The following VWC2 variants were observed in gnomAD, a reference collection of about 807,000 sequenced individuals.
VWC2 encodes the protein brorin.
In VWC2, 14 loss-of-function variants were observed where a neutral mutation model predicts 29.8. That is an observed-to-expected ratio of 0.47 (90% CI 0.31 to 0.74). The LOEUF is 0.74. Ranked by LOEUF, VWC2 falls within the 30% of genes least tolerant of loss-of-function variation. VWC2 has a pLI of 0.05. For synonymous variants in VWC2, 213 were observed against 199.0 expected, an observed-to-expected ratio of 1.07 and a Z score of -0.59; for missense variants, 457 against 459.8, an observed-to-expected ratio of 0.99 and a Z score of 0.05.
intron 3 of VWC2, among the ~76,000 whole-genome samples, chr7:49,898,901 C>A (rs981530108): frequency 6.6e-6 from 1 of 151,592 alleles, no homozygotes; most frequent in Admixed American, 6.6e-5. Context: ...TAAATTAAAG[C>A]CACAAAAAGC....
intron 3 of VWC2, among the ~76,000 whole-genome samples, chr7:49,895,241 C>T (rs569001341): frequency 2.3e-4 from 35 of 152,154 alleles, no homozygotes; most frequent in Admixed American, 1.3e-3. Context: ...AGTTCCCTCA[C>T]ATTTGTTTCC....
At chr7:49,861,293 G>A (rs1790641896) in intron 3 of VWC2, among the ~76,000 whole-genome samples, 1 of 152,050 alleles carries the variant, frequency 6.6e-6, no homozygotes, top group East Asian at 1.9e-4. Flanking sequence ...GTGCTTATTG[G>A]CCATTATTTT....
intron 3 of VWC2, among the ~76,000 whole-genome samples, chr7:49,887,711 A>T (rs565250839): frequency 1.0e-4 from 15 of 149,646 alleles, no homozygotes; most frequent in Non-Finnish European, 2.1e-4. Context: ...GCCCAGCTCA[A>T]ATGCAAGTGT....
intron 3 of VWC2, among the ~76,000 whole-genome samples, chr7:49,885,959 G>A (rs1458769518): frequency 6.6e-6 from 1 of 152,248 alleles, no homozygotes. Context: ...TCCCTGCAAG[G>A]GGAAGTTTGG....
intron 3 of VWC2, among the ~76,000 whole-genome samples, chr7:49,839,952 T>G (rs557414113): frequency 6.6e-6 from 1 of 152,246 alleles, no homozygotes; most frequent in Non-Finnish European, 1.5e-5. Flanking sequence ...AGATCATGTT[T>G]TCCTAAAGTC....
At chr7:49,838,375 C>G (rs1229422915) in intron 3 of VWC2, among the ~76,000 whole-genome samples, 1 of 151,968 alleles carries the variant, frequency 6.6e-6, no homozygotes, top group Non-Finnish European at 1.5e-5. Context: ...TTTTTCATTT[C>G]CTTAGGAATA....
rs569504060 is a variant in VWC2 at position 49,890,532 on chromosome 7, G to C, written c.827-21502G>C. ...TCATAACACCTTATCAATTTCTGCA[G>C]GCTAACTTCTCATTTTATAGGGATA... On this transcript the variant is annotated intron_variant, in intron 3 of 3. Coordinates refer to ENST00000340652, the MANE Select transcript of VWC2 (RefSeq NM_198570.5). 2.6e-5 allele frequency among the ~76,000 whole-genome samples: 4 copies of C among 152,228 alleles called. No homozygotes were observed. The South Asian group carries it at 6.2e-4, about 24-fold the overall frequency.
chr7:49,828,922 G>A (rs1235205448), intron 3 of VWC2, among the ~76,000 whole-genome samples: 2 of 152,156 alleles, frequency 1.3e-5, no homozygotes, highest in Non-Finnish European at 2.9e-5. Flanking sequence ...ACAGCCCACT[G>A]AAATGATTCA....
chr7:49,886,302 C>T (rs1338543805), intron 3 of VWC2, among the ~76,000 whole-genome samples: 1 of 151,856 alleles, frequency 6.6e-6, no homozygotes, highest in Non-Finnish European at 1.5e-5. Context: ...AGAGTACATT[C>T]CTATTTGGAA....
In VWC2 at chr7:49,912,445, T is replaced by C. The variant is rs1317373395; in HGVS notation, c.*260T>C. 3 of 327,952 alleles carry C rather than the reference T, an allele frequency of 9.1e-6. No homozygotes were observed. Among genetic ancestry groups the C allele is most frequent in the East Asian group, 1.1e-4 (2 of 17,630 alleles). 20.3% of individuals were successfully genotyped at this position (327,952 alleles called of 1,614,324 possible). A position where few individuals can be genotyped will look rare whatever the true frequency, so the allele number is the denominator to read the frequency against. On this transcript the variant is annotated 3_prime_UTR_variant, in exon 4 of 4. Coordinates refer to ENST00000340652, the MANE Select transcript of VWC2 (RefSeq NM_198570.5). Reference sequence around the variant, plus strand: ...TCACAGTAAGTACACAAAAGTACACTATTATATATCAAATGTATTTCTATA... The same window carrying C: ...TCACAGTAAGTACACAAAAGTACACCATTATATATCAAATGTATTTCTATA...
intron 3 of VWC2, among the ~76,000 whole-genome samples, chr7:49,868,085 C>T (rs1355014947): frequency 1.3e-5 from 2 of 152,232 alleles, no homozygotes; most frequent in Admixed American, 6.5e-5. Flanking sequence ...CCACCCACCT[C>T]GGCCTCCCAA....
chr7:49,882,095 G>T (rs1012712754), intron 3 of VWC2, among the ~76,000 whole-genome samples: 1 of 152,068 alleles, frequency 6.6e-6, no homozygotes, highest in East Asian at 1.9e-4. Flanking sequence ...AACAAAAAAT[G>T]ATGTATAAAC....
At chr7:49,797,168 T>A (rs778370148) in intron 2 of VWC2, among the ~76,000 whole-genome samples, 1 of 152,258 alleles carries the variant, frequency 6.6e-6, no homozygotes, top group Non-Finnish European at 1.5e-5. Context: ...CTGCTATGCA[T>A]GTAGTTATGA....
intron 2 of VWC2, among the ~76,000 whole-genome samples, chr7:49,787,045 C>T (rs750445426): frequency 1.6e-4 from 25 of 152,122 alleles, no homozygotes; most frequent in Non-Finnish European, 2.6e-4. Context: ...AGTAGGTGAA[C>T]ACTTCAGAGG....
chr7:49,806,105 C>CA lies in VWC2; in HGVS notation c.826+3266dup, dbSNP rs1265072366. On this transcript the variant is annotated intron_variant, in intron 3 of 3. Coordinates refer to ENST00000340652, the MANE Select transcript of VWC2 (RefSeq NM_198570.5). ...TATTTGTTTTTAAATTCCACCCCCCCACAATGATACAAACAGTGAGTGTTA... is the reference window on the plus strand; with the variant it reads ...TATTTGTTTTTAAATTCCACCCCCCCAACAATGATACAAACAGTGAGTGTTA... Among the ~76,000 whole-genome samples the CA allele has an allele frequency of 3.3e-5, 5 of 151,496 alleles. No individual in the cohort carries two copies. In the South Asian group the frequency reaches 6.3e-4, roughly 19 times the overall value.
chr7:49,887,457 G>A (rs1035029290), intron 3 of VWC2, among the ~76,000 whole-genome samples: 1 of 152,140 alleles, frequency 6.6e-6, no homozygotes, highest in African/African-American at 2.4e-5. Flanking sequence ...ATTTATTAGT[G>A]TATGTGCTTG....
chr7:49,802,676 C>T (rs1008517138), intron 2 of VWC2, 35 bp from the exon 3 acceptor site: 20 of 1,612,940 alleles, frequency 1.2e-5, no homozygotes, highest in Middle Eastern at 1.6e-4. Flanking sequence ...AACATGACAG[C>T]AGGCTAAAGT....
chr7:49,876,547 T>C (rs1414074213), intron 3 of VWC2, among the ~76,000 whole-genome samples: 1 of 152,234 alleles, frequency 6.6e-6, no homozygotes, highest in East Asian at 1.9e-4. Context: ...ACATGATTCA[T>C]ATTTAATTTA....
At chr7:49,826,688 T>C (rs376083062) in intron 3 of VWC2, among the ~76,000 whole-genome samples, 2 of 152,196 alleles carry the variant, frequency 1.3e-5, no homozygotes, top group African/African-American at 4.8e-5. Context: ...AATATTAATG[T>C]CTTGTTGTAT....
Sources: allele counts gnomAD v4.1 joint callset (sites outside exome capture counted in the v4.1 genomes callset), GRCh38; gene constraint gnomAD v4.1.1; transcripts MANE v1.5; gene names NCBI Gene and HGNC (gene_info 2026-07-23, HGNC 2026-07-21).